Variants in FAM107B observed in about 807,000 individuals in gnomAD.
The protein encoded by FAM107B is protein FAM107B.
A neutral mutation model predicts 31.5 loss-of-function variants in FAM107B; 21 were observed. That is an observed-to-expected ratio of 0.67 (90% CI 0.47 to 0.96). The LOEUF (loss-of-function observed/expected upper bound fraction) is 0.96, where lower values mean the gene tolerates loss of function less well. FAM107B is among the 40% of genes least tolerant of loss of function. FAM107B has a pLI of 0.00. For synonymous variants in FAM107B, 157 were observed against 141.5 expected (o/e 1.11, Z -0.78); for missense variants, 452 against 377.1 (o/e 1.20, Z -1.64).
At chr10:14,598,331 G>A (rs1394070494) in intron 2 of FAM107B, among the ~76,000 whole-genome samples, 2 of 152,154 alleles carry the variant, frequency 1.3e-5, no homozygotes, top group South Asian at 2.1e-4. Flanking sequence ...AGATGAATGG[G>A]TAAACACATG....
chr10:14,573,858 A>T (rs1342664774), intron 2 of FAM107B, among the ~76,000 whole-genome samples: 2 of 151,930 alleles, frequency 1.3e-5, no homozygotes, highest in Non-Finnish European at 2.9e-5. Flanking sequence ...CTCACACTTG[A>T]TTCACTTGGA....
Position 14,564,507 on chromosome 10 carries a change from A to T in FAM107B, c.470-33992T>A, listed in dbSNP as rs867985160. 6.9e-3 allele frequency among the ~76,000 whole-genome samples: 920 copies of T among 133,964 alleles called. 9 individuals carry two copies. Among genetic ancestry groups the T allele is most frequent in the African/African-American group, 0.027 (889 of 33,428 alleles). 87.9% of individuals were successfully genotyped at this position (133,964 alleles called of 152,430 possible). ...TGACTACCTCACCACTTATTTGTTT[A>T]AAAAAAAAAAAAAAAGATAAAATAT... is the stretch of plus-strand genomic sequence containing the variant. On this transcript the variant is annotated intron_variant, in intron 2 of 4. Transcript: ENST00000181796.
chr10:14,568,645 G>C (rs1315760392), intron 2 of FAM107B, among the ~76,000 whole-genome samples: 4 of 152,274 alleles, frequency 2.6e-5, no homozygotes, highest in African/African-American at 9.6e-5. Flanking sequence ...CTCTGGGTTA[G>C]ACCAGGAGGT....
At chr10:14,683,574 TA>T (rs1426241081) in intron 1 of FAM107B, among the ~76,000 whole-genome samples, 1 of 152,184 alleles carries the variant, frequency 6.6e-6, no homozygotes, top group African/African-American at 2.4e-5. Context: ...TGCATTAAAG[TA>T]AACACTTATC....
intron 3 of FAM107B, among the ~76,000 whole-genome samples, chr10:14,526,912 A>C (rs1412477741): frequency 2.0e-5 from 3 of 150,582 alleles, no homozygotes; most frequent in Non-Finnish European, 4.4e-5. Flanking sequence ...ATCTCAGCTC[A>C]CTGCAAGCTC....
chr10:14,694,711 G>A (rs1170708997), intron 1 of FAM107B, among the ~76,000 whole-genome samples: 1 of 152,214 alleles, frequency 6.6e-6, no homozygotes, highest in Non-Finnish European at 1.5e-5. Context: ...CTTAATGGAT[G>A]TGAGGTGAAA....
intron 2 of FAM107B, among the ~76,000 whole-genome samples, chr10:14,603,354 C>A (rs1852467170): frequency 1.3e-5 from 2 of 152,182 alleles, no homozygotes; most frequent in South Asian, 4.1e-4. Context: ...TGAAGTCCAA[C>A]AGCCCTCATT....
chr10:14,613,896 C>T (rs1350603394), intron 2 of FAM107B, among the ~76,000 whole-genome samples: 2 of 152,060 alleles, frequency 1.3e-5, no homozygotes, highest in East Asian at 1.9e-4. Context: ...TTTGGGAGGC[C>T]GAGGAGGGCA....
intron 1 of FAM107B, among the ~76,000 whole-genome samples, chr10:14,719,011 G>A (rs530080912): frequency 1.1e-4 from 17 of 152,272 alleles, no homozygotes; most frequent in African/African-American, 2.9e-4. Context: ...TTTTACTGGC[G>A]CAGAACTAAG....
At chr10:14,740,854 T>A (rs1306422810) in intron 1 of FAM107B, among the ~76,000 whole-genome samples, 1 of 152,214 alleles carries the variant, frequency 6.6e-6, no homozygotes, top group African/African-American at 2.4e-5. Context: ...CTAAAAATAG[T>A]CTAGCCCCTG....
intron 2 of FAM107B, among the ~76,000 whole-genome samples, chr10:14,629,673 C>G (rs948534652): frequency 1.3e-4 from 20 of 149,202 alleles, no homozygotes; most frequent in Non-Finnish European, 2.1e-4. Context: ...CCACCACGCC[C>G]GGCTAATTTT....
At chr10:14,659,118 G>A (rs575071771) in intron 2 of FAM107B, among the ~76,000 whole-genome samples, 42 of 152,160 alleles carry the variant, frequency 2.8e-4, no homozygotes, top group Non-Finnish European at 4.1e-4. Flanking sequence ...AGCATTTTCC[G>A]TAATTAAAGG....
At chr10:14,759,498 A>T (rs1378453675) in intron 1 of FAM107B, among the ~76,000 whole-genome samples, 1 of 152,076 alleles carries the variant, frequency 6.6e-6, no homozygotes, top group Non-Finnish European at 1.5e-5. Flanking sequence ...ATCAAATGAC[A>T]CTGCTGTATA....
intron 1 of FAM107B, among the ~76,000 whole-genome samples, chr10:14,727,329 A>T (rs903045034): frequency 3.3e-5 from 5 of 152,166 alleles, no homozygotes; most frequent in Admixed American, 2.6e-4. Flanking sequence ...ACAGGTGTGT[A>T]TTATTTTAGA....
intron 2 of FAM107B, among the ~76,000 whole-genome samples, chr10:14,616,449 G>A (rs1238823788): frequency 1.3e-5 from 2 of 152,172 alleles, no homozygotes; most frequent in Non-Finnish European, 2.9e-5. Context: ...TGCCTGAGCT[G>A]TAATCACACC....
chr10:14,659,948 A>T (rs75838041), intron 2 of FAM107B, among the ~76,000 whole-genome samples: 2,230 of 152,284 alleles, frequency 0.015, 44 homozygotes, highest in African/African-American at 0.047. Context: ...AAAGAATTTT[A>T]ACTGTTTGGG....
chr10:14,528,590 T>C (rs112758894), intron 3 of FAM107B, among the ~76,000 whole-genome samples: 1,619 of 152,298 alleles, frequency 0.011, 29 homozygotes, highest in African/African-American at 0.037. Flanking sequence ...TAAAGTTAAG[T>C]TCTGGTAAAA....
At chr10:14,690,541 C>T (rs910726862) in intron 1 of FAM107B, among the ~76,000 whole-genome samples, 1 of 152,132 alleles carries the variant, frequency 6.6e-6, no homozygotes, top group Admixed American at 6.5e-5. Context: ...GCAACCTCTA[C>T]CTCCCAGGTT....
intron 1 of FAM107B, among the ~76,000 whole-genome samples, chr10:14,754,220 T>G (rs1356015272): frequency 1.3e-5 from 2 of 152,242 alleles, no homozygotes; most frequent in Non-Finnish European, 2.9e-5. Context: ...ATTACAGGCG[T>G]GAGCCACCTT....
Sources: allele counts gnomAD v4.1 joint callset (sites outside exome capture counted in the v4.1 genomes callset), GRCh38; gene constraint gnomAD v4.1.1; transcripts MANE v1.5; gene names NCBI Gene and HGNC (gene_info 2026-07-23, HGNC 2026-07-21).